The following KHDRBS2 variants were observed in gnomAD, a reference collection of about 807,000 sequenced individuals.
The protein encoded by KHDRBS2 is KH domain-containing, RNA-binding, signal transduction-associated protein 2.
A neutral mutation model predicts 44.3 loss-of-function variants in KHDRBS2; 26 were observed. That is an observed-to-expected ratio of 0.59 (90% CI 0.43 to 0.81). KHDRBS2 has a LOEUF of 0.81. Among genes scored for constraint, KHDRBS2 ranks in the 40% least tolerant of loss-of-function variants. The pLI is 0.00. For missense variants in KHDRBS2, 476 were observed against 433.1 expected, an observed-to-expected ratio of 1.10 and a Z score of -0.88; for synonymous variants, 194 against 151.1, an observed-to-expected ratio of 1.28 and a Z score of -2.08.
At chr6:62,276,401 C>T (rs1239387374) in intron 1 of KHDRBS2, among the ~76,000 whole-genome samples, 1 of 152,162 alleles carries the variant, frequency 6.6e-6, no homozygotes, top group African/African-American at 2.4e-5. Context: ...TTCTTTGCTT[C>T]TAGAAGAATT....
At chr6:61,972,136 A>C (rs900069308) in intron 4 of KHDRBS2, among the ~76,000 whole-genome samples, 38 of 152,220 alleles carry the variant, frequency 2.5e-4, no homozygotes, top group African/African-American at 7.0e-4. Flanking sequence ...ATTCATCTAA[A>C]AGCTATTTGC....
intron 6 of KHDRBS2, among the ~76,000 whole-genome samples, chr6:61,832,343 G>C (rs1297481693): frequency 6.6e-6 from 1 of 152,120 alleles, no homozygotes; most frequent in East Asian, 1.9e-4. Flanking sequence ...CCTAATCATG[G>C]TTTGGAGTAT....
chr6:61,901,471 AT>A (rs1186612861), intron 4 of KHDRBS2, 100 bp from the exon 5 acceptor site: 17 of 931,834 alleles, frequency 1.8e-5, no homozygotes, highest in South Asian at 1.2e-4. Context: ...ATAGGAAATA[AT>A]TTTTTTCATT....
intron 2 of KHDRBS2, among the ~76,000 whole-genome samples, chr6:62,125,040 T>C (rs1292870322): frequency 6.6e-6 from 1 of 152,206 alleles, no homozygotes; most frequent in Non-Finnish European, 1.5e-5. Context: ...GTTTGTCTTT[T>C]GAAAAATGTT....
intron 2 of KHDRBS2, among the ~76,000 whole-genome samples, chr6:62,147,342 A>G (rs1814166806): frequency 6.6e-6 from 1 of 151,944 alleles, no homozygotes; most frequent in Non-Finnish European, 1.5e-5. Flanking sequence ...CTGCCAAATA[A>G]TAGCAATATG....
intron 1 of KHDRBS2, among the ~76,000 whole-genome samples, chr6:62,188,568 T>C (rs1823932945): frequency 6.6e-6 from 1 of 152,144 alleles, no homozygotes; most frequent in Non-Finnish European, 1.5e-5. Context: ...TCTGAGAAAG[T>C]CATCCTTGAT....
the KHDRBS2 span, among the ~76,000 whole-genome samples, chr6:61,567,876 A>T: frequency 1.0e-2 from 1,522 of 152,204 alleles, 7 homozygotes; most frequent in Middle Eastern, 0.024. Context: ...TGTGAGGGTG[A>T]TCTAGCTGTG....
chr6:62,206,406 T>A (rs1827983169), intron 1 of KHDRBS2, among the ~76,000 whole-genome samples: 1 of 152,060 alleles, frequency 6.6e-6, no homozygotes, highest in South Asian at 2.1e-4. Flanking sequence ...TGATTGTAAA[T>A]AAATGGCATT....
chr6:61,821,833 G>A (rs964917473), intron 6 of KHDRBS2, among the ~76,000 whole-genome samples: 3 of 151,772 alleles, frequency 2.0e-5, no homozygotes, highest in African/African-American at 7.3e-5. Flanking sequence ...TTCTGTTAGA[G>A]TAAGAATTCA....
At chr6:61,634,159 G>A in the KHDRBS2 span, among the ~76,000 whole-genome samples, 29,496 of 151,728 alleles carry the variant, frequency 0.19, 3,337 homozygotes, top group South Asian at 0.33. Flanking sequence ...GATTTAAAAA[G>A]GCTTTCAAAT....
intron 2 of KHDRBS2, among the ~76,000 whole-genome samples, chr6:62,112,392 A>G (rs2150076057): frequency 6.6e-6 from 1 of 152,276 alleles, no homozygotes; most frequent in East Asian, 1.9e-4. Flanking sequence ...GGCTTGAGCC[A>G]TCTATATCTC....
At chr6:61,735,521 A>AT (rs1215119834) in intron 6 of KHDRBS2, among the ~76,000 whole-genome samples, 2 of 152,142 alleles carry the variant, frequency 1.3e-5, no homozygotes, top group Non-Finnish European at 2.9e-5. Context: ...CCAATAAAGA[A>AT]TTTTGAATTG....
Position 62,231,706 on chromosome 6 carries a change from T to C in KHDRBS2, c.91+54152A>G, listed in dbSNP as rs116445589. Reference sequence around the variant, plus strand: ...ATTGGTAAAATTTATAAAATATTGTTTGCACTACAGTTTAATTTCCAAAGA... The same window carrying C: ...ATTGGTAAAATTTATAAAATATTGTCTGCACTACAGTTTAATTTCCAAAGA... On this transcript the variant is annotated intron_variant, in intron 1 of 8. Transcript: ENST00000281156. 2.5e-3 allele frequency among the ~76,000 whole-genome samples: 381 copies of C among 152,330 alleles called. 3 individuals carry two copies. The highest frequency in any genetic ancestry group is 8.4e-3 in the African/African-American group (349 of 41,582).
chr6:62,281,176 A>G (rs1841743050), intron 1 of KHDRBS2, among the ~76,000 whole-genome samples: 1 of 151,232 alleles, frequency 6.6e-6, no homozygotes, highest in Non-Finnish European at 1.5e-5. Flanking sequence ...CCTTTTTCAT[A>G]AGGTAATTTA....
chr6:62,072,164 G>T (rs1325617800), intron 2 of KHDRBS2, among the ~76,000 whole-genome samples: 2 of 151,850 alleles, frequency 1.3e-5, no homozygotes, highest in Non-Finnish European at 2.9e-5. Flanking sequence ...GTGTATAAGA[G>T]TGCTTGTGAT....
At chr6:61,824,887 A>T (rs1790590346) in intron 6 of KHDRBS2, among the ~76,000 whole-genome samples, 1 of 152,176 alleles carries the variant, frequency 6.6e-6, no homozygotes, top group Non-Finnish European at 1.5e-5. Context: ...ACATTTTAAA[A>T]ACAAGAGTAG....
At chr6:62,065,283 G>T (rs2127335314) in intron 2 of KHDRBS2, among the ~76,000 whole-genome samples, 1 of 152,134 alleles carries the variant, frequency 6.6e-6, no homozygotes, top group South Asian at 2.1e-4. Flanking sequence ...CCATTACTGG[G>T]TATATACCCA....
At chr6:61,985,137 G>C (rs1469411453) in intron 3 of KHDRBS2, among the ~76,000 whole-genome samples, 2 of 152,104 alleles carry the variant, frequency 1.3e-5, no homozygotes, top group African/African-American at 4.8e-5. Flanking sequence ...AGAATCAATA[G>C]CTGTATAAAT....
intron 1 of KHDRBS2, among the ~76,000 whole-genome samples, chr6:62,236,043 A>C (rs1340935328): frequency 1.3e-5 from 2 of 152,152 alleles, no homozygotes; most frequent in Non-Finnish European, 1.5e-5. Context: ...TAAAAATCAA[A>C]ATCGTTCATG....
Sources: allele counts gnomAD v4.1 joint callset (sites outside exome capture counted in the v4.1 genomes callset), GRCh38; gene constraint gnomAD v4.1.1; transcripts MANE v1.5; gene names NCBI Gene and HGNC (gene_info 2026-07-23, HGNC 2026-07-21).